The following MTMR3 variants were observed in gnomAD, a reference collection of about 807,000 sequenced individuals.
The protein encoded by MTMR3 is phosphatidylinositol-3,5-bisphosphate 3-phosphatase MTMR3.
MTMR3 carries 32 observed loss-of-function variants against 132.4 expected under a neutral mutation model. That is an observed-to-expected ratio of 0.24 (90% CI 0.18 to 0.32). The LOEUF (loss-of-function observed/expected upper bound fraction) is 0.32, where lower values mean the gene tolerates loss of function less well. MTMR3 is among the 10% of genes least tolerant of loss of function. The pLI is 1.00. For synonymous variants in MTMR3, 556 were observed against 550.3 expected, an observed-to-expected ratio of 1.01 and a Z score of -0.14; for missense variants, 1,216 against 1,489.6, an observed-to-expected ratio of 0.82 and a Z score of 3.02.
At chr22:29,933,669 A>G (rs1388139318) in intron 1 of MTMR3, among the ~76,000 whole-genome samples, 1 of 150,270 alleles carries the variant, frequency 6.7e-6, no homozygotes, top group Admixed American at 6.6e-5. Flanking sequence ...GACTTTAGTC[A>G]TCAATGATAG....
intron 1 of MTMR3, among the ~76,000 whole-genome samples, chr22:29,924,252 A>G (rs755955561): frequency 6.6e-6 from 1 of 152,244 alleles, no homozygotes; most frequent in Non-Finnish European, 1.5e-5. Flanking sequence ...AGTCTAAAAT[A>G]AAGGTCCAGC....
chr22:29,960,550 A>G (rs2066290667), intron 2 of MTMR3, among the ~76,000 whole-genome samples: 1 of 152,254 alleles, frequency 6.6e-6, no homozygotes, highest in African/African-American at 2.4e-5. Context: ...TACAGTCTTT[A>G]TATAACCATG....
At chr22:29,952,876 A>G (rs1232398644) in intron 1 of MTMR3, among the ~76,000 whole-genome samples, 1 of 152,204 alleles carries the variant, frequency 6.6e-6, no homozygotes, top group African/African-American at 2.4e-5. Flanking sequence ...CTTACCCAAC[A>G]TGCTACAGAA....
At chr22:29,952,889 C>T (rs558922014) in intron 1 of MTMR3, among the ~76,000 whole-genome samples, 1 of 152,214 alleles carries the variant, frequency 6.6e-6, no homozygotes, top group Admixed American at 6.5e-5. Context: ...CTACAGAATT[C>T]TAGTTTCTGA....
chr22:29,888,023 T>G (rs1010662723), intron 1 of MTMR3, among the ~76,000 whole-genome samples: 3 of 145,250 alleles, frequency 2.1e-5, no homozygotes, highest in Non-Finnish European at 1.5e-5. Flanking sequence ...TTTTGTTTTG[T>G]TTTTTTTTTT....
chr22:30,021,790 G>A (rs1429779680), intron 17 of MTMR3: 6 of 478,102 alleles, frequency 1.3e-5, no homozygotes, highest in Non-Finnish European at 7.5e-6. Context: ...GGAACCCTGA[G>A]GGCCTGTTTT....
chr22:29,976,815 A>G (rs1206569425), intron 3 of MTMR3, among the ~76,000 whole-genome samples: 1 of 152,230 alleles, frequency 6.6e-6, no homozygotes, highest in South Asian at 2.1e-4. Flanking sequence ...GTTTATGATT[A>G]TGGTTGCTGT....
At chr22:29,930,991 A>G (rs1481688800) in intron 1 of MTMR3, among the ~76,000 whole-genome samples, 1 of 145,684 alleles carries the variant, frequency 6.9e-6, no homozygotes. Flanking sequence ...TGGGCATCAG[A>G]GTGTGAGACG....
At chr22:29,899,136 C>G (rs2064958634) in intron 1 of MTMR3, among the ~76,000 whole-genome samples, 1 of 152,070 alleles carries the variant, frequency 6.6e-6, no homozygotes, top group South Asian at 2.1e-4. Flanking sequence ...AGATGAGGAG[C>G]CTTCAATCCA....
intron 1 of MTMR3, among the ~76,000 whole-genome samples, chr22:29,896,341 C>T (rs1185011645): frequency 1.3e-5 from 2 of 152,008 alleles, no homozygotes; most frequent in Non-Finnish European, 2.9e-5. Context: ...ACTTTTTCAC[C>T]TTTCCAGTTG....
chr22:29,888,509 A>G (rs1328802935), intron 1 of MTMR3, among the ~76,000 whole-genome samples: 1 of 152,190 alleles, frequency 6.6e-6, no homozygotes, highest in Non-Finnish European at 1.5e-5. Context: ...CCTTAAAGCT[A>G]TTCTGTTAGT....
At chr22:29,901,431 A>T (rs1289270413) in intron 1 of MTMR3, among the ~76,000 whole-genome samples, 1 of 152,110 alleles carries the variant, frequency 6.6e-6, no homozygotes, top group African/African-American at 2.4e-5. Context: ...TTGGTATTAG[A>T]GCAATAATTA....
intron 1 of MTMR3, among the ~76,000 whole-genome samples, chr22:29,910,805 T>C (rs1448455517): frequency 6.6e-6 from 1 of 152,026 alleles, no homozygotes; most frequent in African/African-American, 2.4e-5. Flanking sequence ...CGGAAATCTT[T>C]AGTAAAAGGC....
intron 1 of MTMR3, among the ~76,000 whole-genome samples, chr22:29,899,887 G>T (rs1353531580): frequency 6.6e-6 from 1 of 152,148 alleles, no homozygotes; most frequent in East Asian, 1.9e-4. Context: ...TAGGAAAGGT[G>T]CACTTCTTTG....
In MTMR3 at chr22:29,930,878, G is replaced by A. The variant is rs181927497; in HGVS notation, c.-137-26158G>A. Among the ~76,000 whole-genome samples the A allele has an allele frequency of 2.7e-3, 410 of 151,468 alleles. 2 individuals carry two copies. Among genetic ancestry groups the A allele is most frequent in the African/African-American group, 9.2e-3 (381 of 41,252 alleles). On this transcript the variant is annotated intron_variant, in intron 1 of 19. Coordinates refer to ENST00000401950, the MANE Select transcript of MTMR3 (RefSeq NM_021090.4). ...AAAAATTAGCTGGTCATGCTGATGC[G>A]TGTGAATAGTGCCAGCTACTCAGGA... is the stretch of plus-strand genomic sequence containing the variant.
intron 2 of MTMR3, among the ~76,000 whole-genome samples, chr22:29,969,469 C>A (rs1199976717): frequency 6.6e-6 from 1 of 152,042 alleles, no homozygotes; most frequent in East Asian, 1.9e-4. Context: ...CTTCTTTTGC[C>A]CCTTACCCCC....
At chr22:30,019,184 CAG>C (rs1491197639) in intron 16 of MTMR3, 10 of 239,468 alleles carry the variant, frequency 4.2e-5, no homozygotes, top group African/African-American at 2.4e-4. Context: ...GCCTGGGCGA[CAG>C]AGTGAGACTC....
rs1602452956 is a variant in MTMR3 at position 29,910,149 on chromosome 22, A to T, written c.-138+26790A>T. ...ACTGCACTCCAGCCTGGGTGACAGAACGAGACTCCATCTCAAAAAAAAAAA... is the reference window on the plus strand; with the variant it reads ...ACTGCACTCCAGCCTGGGTGACAGATCGAGACTCCATCTCAAAAAAAAAAA... On this transcript the variant is annotated intron_variant, in intron 1 of 19. Coordinates refer to ENST00000401950, the MANE Select transcript of MTMR3 (RefSeq NM_021090.4). Among the ~76,000 whole-genome samples, 8 of 144,310 alleles carry T rather than the reference A, an allele frequency of 5.5e-5. No homozygotes were observed. In the South Asian group the frequency reaches 1.8e-3, roughly 32 times the overall value. The allele number at this position is 144,310 out of a possible 152,430, so 94.7% of individuals were successfully genotyped here.
chr22:30,018,140 A>G, intron 16 of MTMR3, 68 bp downstream of exon 16: 1 of 1,466,106 alleles, frequency 6.8e-7, no homozygotes, highest in East Asian at 2.5e-5. Context: ...GGACGTGTGC[A>G]GGGATGGTCA....
Sources: allele counts gnomAD v4.1 joint callset (sites outside exome capture counted in the v4.1 genomes callset), GRCh38; gene constraint gnomAD v4.1.1; transcripts MANE v1.5; gene names NCBI Gene and HGNC (gene_info 2026-07-23, HGNC 2026-07-21).